Variants in CADM2 observed in about 807,000 individuals in gnomAD.
CADM2 encodes the protein immunoglobulin superfamily member 4D.
Under a neutral mutation model 49.8 loss-of-function variants are expected in CADM2, and 12 were observed. That is an observed-to-expected ratio of 0.24 (90% CI 0.15 to 0.39). The LOEUF (loss-of-function observed/expected upper bound fraction) is 0.39, where lower values mean the gene tolerates loss of function less well. CADM2 is among the 10% of genes least tolerant of loss of function. The pLI, the probability that CADM2 is intolerant of heterozygous loss-of-function variation, is 1.00. For missense variants in CADM2, 378 were observed against 492.3 expected (o/e 0.77, Z 2.20); for synonymous variants, 214 against 175.4 (o/e 1.22, Z -1.74).
intron 6 of CADM2, among the ~76,000 whole-genome samples, chr3:85,932,134 G>C (rs1193314399): frequency 6.6e-6 from 1 of 151,588 alleles, no homozygotes; most frequent in Non-Finnish European, 1.5e-5. Context: ...TGAAAAAGTA[G>C]TGAATTAATT....
chr3:85,589,648 A>G (rs1043731777), intron 1 of CADM2, among the ~76,000 whole-genome samples: 7 of 152,040 alleles, frequency 4.6e-5, no homozygotes, highest in Non-Finnish European at 1.0e-4. Context: ...TTTAGTATTG[A>G]TATTTACATA....
chr3:85,784,771 G>C (rs779588901), intron 2 of CADM2, among the ~76,000 whole-genome samples: 6 of 152,106 alleles, frequency 3.9e-5, no homozygotes, highest in Non-Finnish European at 8.8e-5. Flanking sequence ...TTTCTGCCTG[G>C]TTTTGGTATC....
intron 1 of CADM2, among the ~76,000 whole-genome samples, chr3:85,275,124 A>T (rs1260582400): frequency 1.3e-5 from 2 of 151,536 alleles, no homozygotes; most frequent in Non-Finnish European, 3.0e-5. Flanking sequence ...ATCTTTAGCA[A>T]AAATTTTGAA....
chr3:86,004,897 A>G (rs1317596645), intron 8 of CADM2, among the ~76,000 whole-genome samples: 1 of 152,222 alleles, frequency 6.6e-6, no homozygotes, highest in African/African-American at 2.4e-5. Context: ...CATGCTATAT[A>G]CACCAGCTTT....
chr3:85,499,142 C>T (rs552735054), intron 1 of CADM2, among the ~76,000 whole-genome samples: 2 of 152,080 alleles, frequency 1.3e-5, no homozygotes, highest in African/African-American at 4.8e-5. Context: ...ATCAGGACTC[C>T]TAACAACAAC....
At chr3:85,017,970 A>T (rs1352328117) in intron 1 of CADM2, among the ~76,000 whole-genome samples, 1 of 152,220 alleles carries the variant, frequency 6.6e-6, no homozygotes, top group Non-Finnish European at 1.5e-5. Context: ...TGGTCAATGA[A>T]TGTTCCCAGA....
chr3:85,719,302 A>G (rs1041700716), intron 1 of CADM2, among the ~76,000 whole-genome samples: 2 of 152,166 alleles, frequency 1.3e-5, no homozygotes, highest in African/African-American at 2.4e-5. Flanking sequence ...ATATTAAATC[A>G]TAGGAAAAGA....
At chr3:85,954,226 T>C (rs933396357) in intron 7 of CADM2, among the ~76,000 whole-genome samples, 1 of 151,014 alleles carries the variant, frequency 6.6e-6, no homozygotes, top group Non-Finnish European at 1.5e-5. Context: ...TGCAATGACC[T>C]AAAGCAATAA....
At chr3:85,979,097 G>C in intron 8 of CADM2, 1 of 1,539,220 alleles carries the variant, frequency 6.5e-7, no homozygotes, top group Non-Finnish European at 8.9e-7. Context: ...TTTATAATTT[G>C]AATCATTTGT....
intron 1 of CADM2, among the ~76,000 whole-genome samples, chr3:85,366,252 G>A (rs2032775093): frequency 1.3e-5 from 2 of 152,128 alleles, no homozygotes. Context: ...AGTGATGATT[G>A]AGGCATTGCC....
intron 1 of CADM2, among the ~76,000 whole-genome samples, chr3:85,242,192 A>G (rs2042547196): frequency 6.6e-6 from 1 of 151,538 alleles, no homozygotes; most frequent in African/African-American, 2.4e-5. Context: ...ATGAGTATCT[A>G]GATAAAAACA....
At chr3:85,303,328 C>T (rs752661633) in intron 1 of CADM2, among the ~76,000 whole-genome samples, 3 of 151,908 alleles carry the variant, frequency 2.0e-5, no homozygotes, top group Non-Finnish European at 2.9e-5. Flanking sequence ...TAGAAAGCTG[C>T]AGTGAATGTG....
chr3:85,517,432 A>C (rs906133828), intron 1 of CADM2, among the ~76,000 whole-genome samples: 5 of 152,132 alleles, frequency 3.3e-5, no homozygotes, highest in East Asian at 1.9e-4. Context: ...TGCCATTGTA[A>C]ATGAGAATAT....
intron 2 of CADM2, among the ~76,000 whole-genome samples, chr3:85,758,267 T>G (rs2069211277): frequency 2.6e-5 from 4 of 152,206 alleles, no homozygotes; most frequent in African/African-American, 9.6e-5. Context: ...CAGCAAAACT[T>G]AATTTAGCAT....
At chr3:85,188,804 G>T (rs928350681) in intron 1 of CADM2, among the ~76,000 whole-genome samples, 6 of 151,922 alleles carry the variant, frequency 3.9e-5, no homozygotes, top group African/African-American at 1.5e-4. Context: ...GGCTGAGGTG[G>T]GCGGATCACG....
chr3:85,283,486 G>T (rs2043555166), intron 1 of CADM2, among the ~76,000 whole-genome samples: 4 of 151,768 alleles, frequency 2.6e-5, no homozygotes, highest in Admixed American at 2.6e-4. Context: ...AGAAATAATT[G>T]TATTCTTTGA....
At chr3:85,663,845 G>A (rs1337716805) in intron 1 of CADM2, among the ~76,000 whole-genome samples, 1 of 151,958 alleles carries the variant, frequency 6.6e-6, no homozygotes, top group Non-Finnish European at 1.5e-5. Context: ...TATGCTATCT[G>A]TACTTGTCTT....
At chr3:85,770,472 A>G (rs74483645) in intron 2 of CADM2, among the ~76,000 whole-genome samples, 7,728 of 152,014 alleles carry the variant, frequency 0.051, 562 homozygotes, top group African/African-American at 0.16. Context: ...CACTACCACC[A>G]CTAGCTGTTT....
At chr3:85,154,694 G>T (rs1310488703) in intron 1 of CADM2, among the ~76,000 whole-genome samples, 1 of 149,282 alleles carries the variant, frequency 6.7e-6, no homozygotes, top group East Asian at 2.0e-4. Context: ...AGAGAGAAAG[G>T]TCGGGTTACC....
Sources: allele counts gnomAD v4.1 joint callset (sites outside exome capture counted in the v4.1 genomes callset), GRCh38; gene constraint gnomAD v4.1.1; transcripts MANE v1.5; gene names NCBI Gene and HGNC (gene_info 2026-07-23, HGNC 2026-07-21).